Variants in ANP32A observed in about 807,000 individuals in gnomAD.
The protein encoded by ANP32A is acidic leucine-rich nuclear phosphoprotein 32 family member A.
ANP32A carries 1 observed loss-of-function variant against 33.9 expected under a neutral mutation model. The ratio of observed to expected loss-of-function variants is 0.03; its 90% CI spans 0.01 to 0.14. The LOEUF (loss-of-function observed/expected upper bound fraction) is 0.14, where lower values mean the gene tolerates loss of function less well. Ranked by LOEUF, ANP32A falls within the 10% of genes least tolerant of loss-of-function variation. The probability of loss-of-function intolerance (pLI) is 1.00; values close to 1 mark genes in which losing one functional copy is unlikely to be tolerated. For missense variants in ANP32A, 155 were observed against 306.0 expected (o/e 0.51, Z 3.68); for synonymous variants, 115 against 120.5 (o/e 0.95, Z 0.30).
chr15:68,785,543 T>C (rs1327176376), intron 3 of ANP32A, among the ~76,000 whole-genome samples: 1 of 152,210 alleles, frequency 6.6e-6, no homozygotes, highest in Non-Finnish European at 1.5e-5. Flanking sequence ...TTGCTCTCTC[T>C]ATGACCTTGC....
chr15:68,811,266 C>T (rs1490946689), intron 1 of ANP32A, among the ~76,000 whole-genome samples: 4 of 152,016 alleles, frequency 2.6e-5, no homozygotes, highest in African/African-American at 9.7e-5. Flanking sequence ...GCAGTAACTA[C>T]AGCGCAACAC....
rs550690655 is a variant in ANP32A at position 68,798,760 on chromosome 15, C to T, written c.55-10841G>A. ...CCACCTTCCACACATCCATGCAGAG[C>T]TGCAAGTGGAGAAGAGGCAGGGAAA... On this transcript the variant is annotated intron_variant, in intron 1 of 6. Coordinates refer to ENST00000465139, the MANE Select transcript of ANP32A (RefSeq NM_006305.4). 7.0e-4 allele frequency among the ~76,000 whole-genome samples: 107 copies of T among 152,352 alleles called. 1 individual carries two copies. Among genetic ancestry groups the T allele is most frequent in the African/African-American group, 2.4e-3 (100 of 41,592 alleles).
At chr15:68,800,991 T>C (rs2140367063) in intron 1 of ANP32A, among the ~76,000 whole-genome samples, 1 of 28,276 alleles carries the variant, frequency 3.5e-5, no homozygotes, top group Non-Finnish European at 1.6e-4. Flanking sequence ...AGAGAATTTG[T>C]GGAAGGGAAG....
At chr15:68,809,411 G>A (rs1374129222) in intron 1 of ANP32A, among the ~76,000 whole-genome samples, 1 of 152,202 alleles carries the variant, frequency 6.6e-6, no homozygotes, top group African/African-American at 2.4e-5. Flanking sequence ...TATGTGGACT[G>A]CCCAAGCCAA....
intron 1 of ANP32A, among the ~76,000 whole-genome samples, chr15:68,811,737 G>T (rs1894314623): frequency 6.6e-6 from 1 of 152,122 alleles, no homozygotes; most frequent in Non-Finnish European, 1.5e-5. Flanking sequence ...TGCGGATAAT[G>T]TAAGTTGGGT....
At chr15:68,792,576 G>A (rs902605368) in intron 1 of ANP32A, among the ~76,000 whole-genome samples, 2 of 152,210 alleles carry the variant, frequency 1.3e-5, no homozygotes, top group African/African-American at 2.4e-5. Context: ...ACAATTTGTT[G>A]TTTAAAACTG....
intron 1 of ANP32A, among the ~76,000 whole-genome samples, chr15:68,800,421 G>A (rs1186755802): frequency 1.3e-5 from 2 of 149,842 alleles, no homozygotes; most frequent in African/African-American, 4.9e-5. Flanking sequence ...TGTATATAAT[G>A]TGTATGAATG....
At chr15:68,795,651 AAC>A (rs1055684034) in intron 1 of ANP32A, among the ~76,000 whole-genome samples, 2 of 152,328 alleles carry the variant, frequency 1.3e-5, no homozygotes, top group Admixed American at 6.5e-5. Context: ...TCCAGCCAGA[AAC>A]ACAGACTCAG....
At chr15:68,793,096 G>A (rs1894018205) in intron 1 of ANP32A, among the ~76,000 whole-genome samples, 1 of 152,132 alleles carries the variant, frequency 6.6e-6, no homozygotes, top group African/African-American at 2.4e-5. Flanking sequence ...GGCAGCTGCT[G>A]CATGAATCAT....
At chr15:68,800,534 G>A (rs900987717) in intron 1 of ANP32A, among the ~76,000 whole-genome samples, 3 of 150,554 alleles carry the variant, frequency 2.0e-5, no homozygotes, top group African/African-American at 4.9e-5. Context: ...CATGAGGTCA[G>A]GAGATCAAGA....
chr15:68,783,355 G>A (rs1893894051), intron 4 of ANP32A, among the ~76,000 whole-genome samples: 1 of 151,712 alleles, frequency 6.6e-6, no homozygotes, highest in Non-Finnish European at 1.5e-5. Flanking sequence ...AGGTTCCAGG[G>A]CCCGGGAAAG....
chr15:68,800,768 A>G (rs1894123985), intron 1 of ANP32A, among the ~76,000 whole-genome samples: 1 of 150,306 alleles, frequency 6.7e-6, no homozygotes, highest in Non-Finnish European at 1.5e-5. Context: ...GAAAGAAAAG[A>G]AAAGGACAGA....
At chr15:68,818,820 C>T (rs1894428781) in intron 1 of ANP32A, among the ~76,000 whole-genome samples, 1 of 151,814 alleles carries the variant, frequency 6.6e-6, no homozygotes, top group Non-Finnish European at 1.5e-5. Flanking sequence ...GACCGCGGCC[C>T]CGGCCCCCTC....
intron 1 of ANP32A, among the ~76,000 whole-genome samples, chr15:68,811,048 T>G (rs1596075006): frequency 1.2e-4 from 14 of 114,182 alleles, no homozygotes; most frequent in African/African-American, 2.4e-4. Context: ...GGCCACAGAG[T>G]GAGACTCTGT....
chr15:68,787,586 T>C (rs1893948222), intron 2 of ANP32A, 51 bp from the exon 3 acceptor site: 4 of 1,613,434 alleles, frequency 2.5e-6, no homozygotes, highest in Admixed American at 1.7e-5. Context: ...AAATGAAGGC[T>C]ACCGGCTCAG....
At position 68,807,430 on chromosome 15, in the gene ANP32A, G is replaced by GGT. The variant is rs1555424028; in HGVS notation, c.54+13267_54+13268insAC. On this transcript the variant is annotated intron_variant, in intron 1 of 6. Transcript: ENST00000465139. ...CCCGCCCCACCTCCACAGAAAACGGGGGGGGGGGAGTCTCTCCTTTGCCCA... is the reference window on the plus strand; with the variant it reads ...CCCGCCCCACCTCCACAGAAAACGGGGTGGGGGGGGAGTCTCTCCTTTGCCCA... 4.8e-5 allele frequency among the ~76,000 whole-genome samples: 7 copies of GGT among 147,256 alleles called. 1 individual carries two copies. The highest frequency in any genetic ancestry group is 2.0e-4 in the East Asian group (1 of 5,092).
Position 68,814,030 on chromosome 15 carries a change from C to T in ANP32A, c.54+6668G>A, listed in dbSNP as rs143225329. On this transcript the variant is annotated intron_variant, in intron 1 of 6. Coordinates refer to ENST00000465139, the MANE Select transcript of ANP32A (RefSeq NM_006305.4). Reference sequence around the variant, plus strand: ...GACCACAGGCACCCGCCACCATGCCCGGCTAATTTTTTGTATTTTTACTAG... The same window carrying T: ...GACCACAGGCACCCGCCACCATGCCTGGCTAATTTTTTGTATTTTTACTAG... 8.9e-3 allele frequency among the ~76,000 whole-genome samples: 1,353 copies of T among 152,178 alleles called. 13 individuals are homozygous for T. The highest frequency in any genetic ancestry group is 0.031 in the Middle Eastern group (9 of 294).
intron 4 of ANP32A, among the ~76,000 whole-genome samples, chr15:68,784,029 T>G (rs914875452): frequency 2.0e-5 from 3 of 152,120 alleles, no homozygotes; most frequent in Non-Finnish European, 4.4e-5. Context: ...ACAGAAAGAC[T>G]GTAGAATCCC....
chr15:68,789,467 A>AATGT (rs1337074099), intron 1 of ANP32A: 2 of 152,246 alleles, frequency 1.3e-5, no homozygotes, highest in African/African-American at 4.8e-5. Flanking sequence ...GCAGGCCAAC[A>AATGT]TGCCTAGCTT....
Sources: allele counts gnomAD v4.1 joint callset (sites outside exome capture counted in the v4.1 genomes callset), GRCh38; gene constraint gnomAD v4.1.1; transcripts MANE v1.5; gene names NCBI Gene and HGNC (gene_info 2026-07-23, HGNC 2026-07-21).